OPCML: variants seen among roughly 807,000 people sequenced by gnomAD.
The protein encoded by OPCML is opioid-binding protein/cell adhesion molecule.
A neutral mutation model predicts 37.8 loss-of-function variants in OPCML; 13 were observed. The ratio of observed to expected loss-of-function variants is 0.34; its 90% CI spans 0.22 to 0.55. The LOEUF (loss-of-function observed/expected upper bound fraction) is 0.55. Among genes scored for constraint, OPCML ranks in the 20% least tolerant of loss-of-function variants. The pLI is 0.91. For missense variants in OPCML, 341 were observed against 435.6 expected (o/e 0.78, Z 1.93); for synonymous variants, 176 against 168.8 (o/e 1.04, Z -0.33).
At chr11:133,059,172 AC>A (rs1317833462) in intron 1 of OPCML, among the ~76,000 whole-genome samples, 1 of 152,182 alleles carries the variant, frequency 6.6e-6, no homozygotes, top group East Asian at 1.9e-4. Context: ...AGTACTAGGG[AC>A]CTATCTAGAA....
intron 1 of OPCML, among the ~76,000 whole-genome samples, chr11:133,136,092 G>C (rs1007230936): frequency 4.6e-5 from 7 of 152,178 alleles, no homozygotes; most frequent in African/African-American, 1.7e-4. Context: ...CTCATTACTG[G>C]CATTTGCAGA....
chr11:133,167,568 C>T (rs544755652), intron 1 of OPCML, among the ~76,000 whole-genome samples: 51 of 150,892 alleles, frequency 3.4e-4, no homozygotes, highest in African/African-American at 1.2e-3. Context: ...CAAGTTTTTC[C>T]ATTCCTAAGG....
intron 1 of OPCML, among the ~76,000 whole-genome samples, chr11:133,220,264 C>G (rs1292632215): frequency 6.6e-6 from 1 of 152,048 alleles, no homozygotes; most frequent in African/African-American, 2.4e-5. Flanking sequence ...CTTATCTGGT[C>G]TCTGAGAGGA....
chr11:132,949,592 C>T (rs979255920), intron 1 of OPCML, among the ~76,000 whole-genome samples: 2 of 152,170 alleles, frequency 1.3e-5, no homozygotes, highest in African/African-American at 4.8e-5. Context: ...ACGGATCAGT[C>T]TCACACAGAG....
intron 2 of OPCML, among the ~76,000 whole-genome samples, chr11:132,832,427 T>G (rs1940749608): frequency 6.6e-6 from 1 of 152,186 alleles, no homozygotes; most frequent in Non-Finnish European, 1.5e-5. Context: ...AACCAAAGAA[T>G]AGATATCCTT....
intron 1 of OPCML, among the ~76,000 whole-genome samples, chr11:133,204,349 C>G (rs1197658024): frequency 2.0e-5 from 3 of 152,158 alleles, no homozygotes; most frequent in African/African-American, 7.2e-5. Flanking sequence ...GACTCTTAAA[C>G]CTACCCTTAT....
chr11:132,653,532 A>G (rs1941543290), intron 3 of OPCML, among the ~76,000 whole-genome samples: 1 of 152,148 alleles, frequency 6.6e-6, no homozygotes, highest in Non-Finnish European at 1.5e-5. Flanking sequence ...ACATTATCAC[A>G]TGCTCACACG....
intron 3 of OPCML, among the ~76,000 whole-genome samples, chr11:132,560,290 G>C (rs1400487231): frequency 6.6e-6 from 1 of 152,074 alleles, no homozygotes; most frequent in Non-Finnish European, 1.5e-5. Context: ...CAAATTCTTA[G>C]TAATATCAAA....
chr11:133,423,090 C>T, intron 1 of OPCML: 1 of 985,378 alleles, frequency 1.0e-6, no homozygotes, highest in Non-Finnish European at 1.2e-6. Context: ...ACGTGTTCTC[C>T]AGAATTGAGA....
At chr11:132,755,697 G>A (rs1057253062) in intron 2 of OPCML, among the ~76,000 whole-genome samples, 3 of 152,092 alleles carry the variant, frequency 2.0e-5, no homozygotes, top group African/African-American at 4.8e-5. Context: ...GGTATGGAAC[G>A]GTTACTTGCT....
chr11:133,194,608 CCT>C (rs1175047473), intron 1 of OPCML, among the ~76,000 whole-genome samples: 2 of 152,196 alleles, frequency 1.3e-5, no homozygotes, highest in Middle Eastern at 3.2e-3. Context: ...ACAACTACCC[CCT>C]GATACCAAGC....
chr11:132,919,710 G>A (rs1395843335), intron 2 of OPCML, among the ~76,000 whole-genome samples: 2 of 152,090 alleles, frequency 1.3e-5, no homozygotes, highest in African/African-American at 4.8e-5. Context: ...TGAATTGCTC[G>A]CTTCTGTCTC....
intron 1 of OPCML, among the ~76,000 whole-genome samples, chr11:133,139,457 G>A (rs1949737078): frequency 1.3e-5 from 2 of 152,198 alleles, no homozygotes; most frequent in African/African-American, 4.8e-5. Flanking sequence ...TTAATAAGTG[G>A]TGAAACTGGA....
At chr11:133,300,336 C>T (rs1408240666) in intron 1 of OPCML, 1 of 150,974 alleles carries the variant, frequency 6.6e-6, no homozygotes, top group African/African-American at 2.5e-5. Context: ...CTTGTGTGAA[C>T]TCTATATTCA....
At chr11:132,872,423 G>T (rs1242537317) in intron 2 of OPCML, among the ~76,000 whole-genome samples, 1 of 152,066 alleles carries the variant, frequency 6.6e-6, no homozygotes, top group African/African-American at 2.4e-5. Context: ...AATCACTCGT[G>T]ACACCCTCCC....
At chr11:133,009,423 A>G (rs932705565) in intron 1 of OPCML, among the ~76,000 whole-genome samples, 1 of 152,184 alleles carries the variant, frequency 6.6e-6, no homozygotes, top group Non-Finnish European at 1.5e-5. Context: ...CCTAAAATCA[A>G]CTGTACTGAT....
chr11:132,756,369 A>G (rs184399070), intron 2 of OPCML, among the ~76,000 whole-genome samples: 13 of 152,292 alleles, frequency 8.5e-5, no homozygotes, highest in Admixed American at 7.2e-4. Context: ...TGCTAAGGTA[A>G]CAGGGTTTCT....
At chr11:133,038,240 C>T (rs1947818585) in intron 1 of OPCML, among the ~76,000 whole-genome samples, 1 of 152,214 alleles carries the variant, frequency 6.6e-6, no homozygotes, top group South Asian at 2.1e-4. Context: ...GTGGGCCATG[C>T]CTTTGGTCCC....
At position 133,056,279 on chromosome 11, in the gene OPCML, C is replaced by T. The variant is rs539261789; in HGVS notation, c.62-113269G>A. The stretch of plus-strand genomic sequence containing the variant: ...TGTAATTTCATAAACTACTGTGTGG[C>T]CCTAAAAGGAAAAATGAGTGACTGA... On this transcript the variant is annotated intron_variant, in intron 1 of 7. Coordinates refer to ENST00000524381, the MANE Select transcript of OPCML (RefSeq NM_001012393.5). Among the ~76,000 whole-genome samples, 8 of 152,244 alleles carry T rather than the reference C, an allele frequency of 5.3e-5. No homozygotes were observed. The South Asian group carries it at 1.7e-3, about 32-fold the overall frequency.
Sources: gnomAD v4.1 joint callset for allele counts (sites outside exome capture counted in the v4.1 genomes callset) on GRCh38, gnomAD v4.1.1 for gene constraint, MANE v1.5 for transcripts, NCBI Gene and HGNC (gene_info 2026-07-23, HGNC 2026-07-21) for gene names.